DACH1: variants seen among roughly 807,000 people sequenced by gnomAD.
DACH1 encodes the protein dachshund homolog 1.
DACH1 carries 12 observed loss-of-function variants against 54.2 expected under a neutral mutation model. The ratio of observed to expected loss-of-function variants is 0.22; its 90% CI spans 0.14 to 0.36. DACH1 has a LOEUF of 0.36. Ranked by LOEUF, DACH1 falls within the 10% of genes least tolerant of loss-of-function variation. The pLI, the probability that DACH1 is intolerant of heterozygous loss-of-function variation, is 1.00. For synonymous variants in DACH1, 386 were observed against 366.2 expected (o/e 1.05, Z -0.62); for missense variants, 805 against 929.8 (o/e 0.87, Z 1.75).
At chr13:71,546,001 CA>C (rs1309147499) in intron 6 of DACH1, among the ~76,000 whole-genome samples, 1 of 152,010 alleles carries the variant, frequency 6.6e-6, no homozygotes, top group Non-Finnish European at 1.5e-5. Context: ...CAATTTTGGC[CA>C]CTTATACAGA....
chr13:71,689,052 TGA>T (rs1489339894), intron 1 of DACH1, among the ~76,000 whole-genome samples: 3 of 152,118 alleles, frequency 2.0e-5, no homozygotes, highest in Non-Finnish European at 4.4e-5. Context: ...CCATTGCTAG[TGA>T]GTTTGTTTGT....
intron 2 of DACH1, 41 bp from the exon 3 acceptor site, chr13:71,630,758 A>G: frequency 6.6e-7 from 1 of 1,512,362 alleles, no homozygotes; most frequent in Non-Finnish European, 8.8e-7. Context: ...TCAAATTCTG[A>G]TTTTTCATTT....
intron 1 of DACH1, among the ~76,000 whole-genome samples, chr13:71,693,517 A>T (rs1427802106): frequency 7.7e-6 from 1 of 129,552 alleles, no homozygotes; most frequent in Non-Finnish European, 1.6e-5. Flanking sequence ...ACGGGGTTTC[A>T]CTGTGTTAGC....
Position 71,854,197 on chromosome 13 carries a change from C to G in DACH1, c.848+11725G>C, listed in dbSNP as rs181740685. 1.8e-3 allele frequency among the ~76,000 whole-genome samples: 276 copies of G among 152,080 alleles called. 1 individual carries two copies. Among genetic ancestry groups the G allele is most frequent in the African/African-American group, 6.5e-3 (270 of 41,474 alleles). On this transcript the variant is annotated intron_variant, in intron 1 of 10. Transcript: ENST00000613252. Reference sequence around the variant, plus strand: ...TTTCACAATTTTGAATTTAAGGGATCTGTTCTAAATATCAATAGCTCAAAA... The same window carrying G: ...TTTCACAATTTTGAATTTAAGGGATGTGTTCTAAATATCAATAGCTCAAAA...
chr13:71,718,280 G>C (rs1337851009), intron 1 of DACH1, among the ~76,000 whole-genome samples: 1 of 151,690 alleles, frequency 6.6e-6, no homozygotes, highest in East Asian at 1.9e-4. Flanking sequence ...ATAACAGTTA[G>C]ACTTAAAAAA....
chr13:71,777,251 C>T (rs1185643285), intron 1 of DACH1, among the ~76,000 whole-genome samples: 3 of 152,058 alleles, frequency 2.0e-5, no homozygotes, highest in African/African-American at 4.8e-5. Flanking sequence ...CTTGTCCGTA[C>T]GGTATAGCCT....
chr13:71,497,592 A>G (rs565668458), intron 6 of DACH1, among the ~76,000 whole-genome samples: 207 of 152,226 alleles, frequency 1.4e-3, no homozygotes, highest in African/African-American at 4.9e-3. Context: ...TCGGCCTCCC[A>G]AAGTGCTGGG....
At chr13:71,715,407 G>T (rs1415045622) in intron 1 of DACH1, among the ~76,000 whole-genome samples, 1 of 152,082 alleles carries the variant, frequency 6.6e-6, no homozygotes, top group Non-Finnish European at 1.5e-5. Flanking sequence ...TAATAAGAAT[G>T]TGAACAGTGA....
At chr13:71,443,362 G>A (rs1223131412) in intron 10 of DACH1, among the ~76,000 whole-genome samples, 9 of 151,978 alleles carry the variant, frequency 5.9e-5, no homozygotes, top group Admixed American at 2.0e-4. Context: ...GGGAGGCTGA[G>A]CGGGGAGGAC....
chr13:71,821,237 T>A (rs755249621), intron 1 of DACH1, among the ~76,000 whole-genome samples: 4 of 152,102 alleles, frequency 2.6e-5, no homozygotes, highest in African/African-American at 4.8e-5. Flanking sequence ...GTGTTAATAT[T>A]CTTTTCTGCT....
intron 1 of DACH1, among the ~76,000 whole-genome samples, chr13:71,858,274 A>G (rs1034664609): frequency 6.6e-5 from 10 of 151,744 alleles, no homozygotes; most frequent in African/African-American, 2.4e-4. Flanking sequence ...AGGCAATCTA[A>G]TTATTTACAA....
chr13:71,813,819 A>G (rs2138158182), intron 1 of DACH1, among the ~76,000 whole-genome samples: 1 of 152,298 alleles, frequency 6.6e-6, no homozygotes, highest in East Asian at 1.9e-4. Flanking sequence ...AGTTAGAAAA[A>G]AAATAAGACA....
chr13:71,679,865 C>A (rs1880793058), intron 2 of DACH1, among the ~76,000 whole-genome samples: 2 of 151,348 alleles, frequency 1.3e-5, no homozygotes, highest in South Asian at 4.2e-4. Flanking sequence ...GCCCGTGATC[C>A]CACCTACTCC....
intron 1 of DACH1, among the ~76,000 whole-genome samples, chr13:71,708,451 T>C (rs1566448069): frequency 6.6e-6 from 1 of 152,112 alleles, no homozygotes; most frequent in Non-Finnish European, 1.5e-5. Flanking sequence ...GAGAAAGAGA[T>C]TGCATGTTTT....
At chr13:71,699,325 C>T (rs1187893337) in intron 1 of DACH1, among the ~76,000 whole-genome samples, 2 of 152,188 alleles carry the variant, frequency 1.3e-5, no homozygotes, top group Non-Finnish European at 2.9e-5. Context: ...CTCCTCTTTA[C>T]TTACACTTCC....
At chr13:71,486,241 AT>A (rs1395181249) in intron 7 of DACH1, among the ~76,000 whole-genome samples, 1 of 151,974 alleles carries the variant, frequency 6.6e-6, no homozygotes, top group African/African-American at 2.4e-5. Context: ...TTGGTCATTA[AT>A]TTTAATAAAA....
At chr13:71,704,232 C>A in intron 1 of DACH1, 1 of 255,888 alleles carries the variant, frequency 3.9e-6, no homozygotes, top group East Asian at 1.1e-4. Flanking sequence ...GTTCTCTAGG[C>A]CTTTGAGACA....
chr13:71,664,001 A>C (rs1879673138), intron 2 of DACH1, among the ~76,000 whole-genome samples: 1 of 151,918 alleles, frequency 6.6e-6, no homozygotes, highest in Non-Finnish European at 1.5e-5. Context: ...CAAATACCCA[A>C]TGCTATTGTA....
intron 6 of DACH1, among the ~76,000 whole-genome samples, chr13:71,541,925 GT>G (rs397720054): frequency 0.071 from 7,542 of 105,794 alleles, 160 homozygotes; most frequent in Middle Eastern, 0.15. Context: ...TATTTGCCCA[GT>G]TTTTTTTTTT....
Sources: gnomAD v4.1 joint callset for allele counts (sites outside exome capture counted in the v4.1 genomes callset) on GRCh38, gnomAD v4.1.1 for gene constraint, MANE v1.5 for transcripts, NCBI Gene and HGNC (gene_info 2026-07-23, HGNC 2026-07-21) for gene names.